HHAT: variants seen among roughly 807,000 people sequenced by gnomAD.
HHAT encodes hedgehog acyltransferase.
In HHAT, 47 loss-of-function variants were observed where a neutral mutation model predicts 70.8. That is an observed-to-expected ratio of 0.66 (90% CI 0.53 to 0.85). The LOEUF (loss-of-function observed/expected upper bound fraction) is 0.85. HHAT is among the 40% of genes least tolerant of loss of function. The pLI, the probability that HHAT is intolerant of heterozygous loss-of-function variation, is 0.00. For synonymous variants in HHAT, 228 were observed against 247.6 expected (o/e 0.92, Z 0.74); for missense variants, 609 against 604.8 (o/e 1.01, Z -0.07).
chr1:210,599,808 C>T (rs940301948), intron 10 of HHAT, among the ~76,000 whole-genome samples: 8 of 152,094 alleles, frequency 5.3e-5, no homozygotes, highest in Non-Finnish European at 1.0e-4. Flanking sequence ...TCTTTTAAAT[C>T]CTATAGTGAC....
chr1:210,407,751 G>A (rs1197053076), intron 6 of HHAT, among the ~76,000 whole-genome samples: 1 of 152,174 alleles, frequency 6.6e-6, no homozygotes, highest in African/African-American at 2.4e-5. Flanking sequence ...GTGAGACAGG[G>A]ATCCTGGGGG....
chr1:210,359,624 A>G (rs2148011541), intron 2 of HHAT, among the ~76,000 whole-genome samples: 1 of 152,180 alleles, frequency 6.6e-6, no homozygotes, highest in East Asian at 1.9e-4. Context: ...AATTATCCTT[A>G]AAAAACCCCA....
chr1:210,643,177 G>A (rs1673309955), intron 11 of HHAT, among the ~76,000 whole-genome samples: 1 of 152,102 alleles, frequency 6.6e-6, no homozygotes, highest in South Asian at 2.1e-4. Context: ...CTCTTGCTGG[G>A]CCAATACTGC....
intron 7 of HHAT, among the ~76,000 whole-genome samples, chr1:210,430,662 G>A (rs2093216586): frequency 6.6e-6 from 1 of 151,762 alleles, no homozygotes. Flanking sequence ...TGACAGTTAA[G>A]AATCATTTCA....
chr1:210,368,209 G>A (rs4844522), intron 3 of HHAT, among the ~76,000 whole-genome samples: 124,472 of 152,156 alleles, frequency 0.82, 51,576 homozygotes, highest in African/African-American at 0.96. Flanking sequence ...CAAGATCATA[G>A]ATTCTTGGCA....
intron 2 of HHAT, among the ~76,000 whole-genome samples, chr1:210,350,416 A>G (rs988038171): frequency 2.0e-5 from 3 of 152,080 alleles, no homozygotes; most frequent in African/African-American, 7.2e-5. Context: ...AATATGGACT[A>G]TTTCTCCATT....
chr1:210,535,671 G>A (rs2095364568), intron 9 of HHAT, among the ~76,000 whole-genome samples: 1 of 152,168 alleles, frequency 6.6e-6, no homozygotes, highest in Admixed American at 6.5e-5. Flanking sequence ...GTGTTTGTGT[G>A]TGTGTGCATG....
intron 1 of HHAT, among the ~76,000 whole-genome samples, chr1:210,335,318 G>GA (rs11371332): frequency 0.66 from 95,854 of 145,556 alleles, 31,661 homozygotes; most frequent in East Asian, 0.74. Flanking sequence ...CATTCATGAT[G>GA]AAAAAAAAAA....
chr1:210,577,191 T>C (rs1657998034), intron 9 of HHAT, among the ~76,000 whole-genome samples: 1 of 152,180 alleles, frequency 6.6e-6, no homozygotes, highest in South Asian at 2.1e-4. Context: ...TCTTGTCTGA[T>C]TACTCTGGCT....
At chr1:210,446,730 CAT>C (rs200848257) in intron 7 of HHAT, among the ~76,000 whole-genome samples, 3 of 152,240 alleles carry the variant, frequency 2.0e-5, no homozygotes, top group East Asian at 1.9e-4. Context: ...CTTTCGTCAT[CAT>C]ATGACTTCCT....
intron 10 of HHAT, among the ~76,000 whole-genome samples, chr1:210,609,731 C>A (rs1261712909): frequency 2.0e-5 from 3 of 152,148 alleles, no homozygotes; most frequent in Non-Finnish European, 4.4e-5. Context: ...TCTCATCATT[C>A]AGCTCCCACT....
intron 10 of HHAT, among the ~76,000 whole-genome samples, chr1:210,597,826 G>A (rs1030544839): frequency 1.3e-5 from 2 of 151,790 alleles, no homozygotes; most frequent in African/African-American, 4.8e-5. Context: ...ACTCCACTGT[G>A]GGTGAGCTGA....
At chr1:210,534,260 A>G (rs1558109141) in intron 9 of HHAT, among the ~76,000 whole-genome samples, 3 of 152,090 alleles carry the variant, frequency 2.0e-5, no homozygotes, top group African/African-American at 4.8e-5. Flanking sequence ...TTCAAACTTG[A>G]TACTGTGTCA....
intron 8 of HHAT, among the ~76,000 whole-genome samples, chr1:210,466,705 A>C (rs2094115824): frequency 6.6e-6 from 1 of 152,202 alleles, no homozygotes; most frequent in Admixed American, 6.5e-5. Context: ...GTGTCACCAG[A>C]GGCAGTTTCG....
intron 7 of HHAT, among the ~76,000 whole-genome samples, chr1:210,441,674 A>G (rs2093511780): frequency 6.6e-6 from 1 of 152,180 alleles, no homozygotes; most frequent in African/African-American, 2.4e-5. Flanking sequence ...ATGAAAGTGG[A>G]AATGATTGGT....
chr1:210,663,131 A>G (rs1015413482), intron 11 of HHAT, among the ~76,000 whole-genome samples: 2 of 152,156 alleles, frequency 1.3e-5, no homozygotes, highest in African/African-American at 4.8e-5. Flanking sequence ...CTCACAGTCT[A>G]AATTAGGCAC....
intron 9 of HHAT, among the ~76,000 whole-genome samples, chr1:210,539,014 C>CTATAGTGAGCCAA (rs1297423257): frequency 6.6e-6 from 1 of 152,172 alleles, no homozygotes; most frequent in East Asian, 1.9e-4. Context: ...GAGGCAGAGG[C>CTATAGTGAGCCAA]TATAGTGAGC....
chr1:210,386,230 C>CTTTTTTTTTTTTTTTTTTTTTTTTT lies in HHAT; in HGVS notation c.160-1236_160-1212dup, dbSNP rs869305965. Among the ~76,000 whole-genome samples, 10 of 69,922 alleles carry CTTTTTTTTTTTTTTTTTTTTTTTTT rather than the reference C, an allele frequency of 1.4e-4. 1 individual carries two copies. The highest frequency in any genetic ancestry group is 5.6e-4 in the African/African-American group (9 of 16,020). The allele number at this position is 69,922 out of a possible 152,430, so 45.9% of individuals were successfully genotyped here. Reference sequence around the variant, plus strand: ...ATTGCAGGAGTCCTTTTCTTTTTTTCTTTTTTTTTTTTTTTTTTTTTTTTT... The same window carrying CTTTTTTTTTTTTTTTTTTTTTTTTT: ...ATTGCAGGAGTCCTTTTCTTTTTTTCTTTTTTTTTTTTTTTTTTTTTTTTTTTTTTTTTTTTTTTTTTTTTTTTTT... On this transcript the variant is annotated intron_variant, in intron 3 of 11. Transcript: ENST00000261458.
chr1:210,623,548 C>G lies in HHAT; in HGVS notation c.1268C>G (p.Ala423Gly). 2.5e-6 allele frequency: 4 copies of G among 1,614,064 alleles called. No homozygotes were observed. The highest frequency in any genetic ancestry group is 3.4e-6 in the Non-Finnish European group (4 of 1,180,006). The change falls in exon 11 of 12, where the codon GCT (alanine) becomes GGT (glycine). Residue 423 changes from alanine (A) to glycine (G), a missense_variant. Coordinates refer to ENST00000261458, the MANE Select transcript of HHAT (RefSeq NM_018194.6). ...TAGGCCCGATACTTCTCCCCACAAGCTCGCCGTCGATTCCACGCTGCCCTT... is the reference window on the plus strand; with the variant it reads ...TAGGCCCGATACTTCTCCCCACAAGGTCGCCGTCGATTCCACGCTGCCCTT... Reference protein sequence around the residue: ...DSLARYFSPQARRRFHAALAS... With the variant: ...DSLARYFSPQGRRRFHAALAS...
Sources: allele counts gnomAD v4.1 joint callset (sites outside exome capture counted in the v4.1 genomes callset), GRCh38; gene constraint gnomAD v4.1.1; transcripts MANE v1.5; gene names NCBI Gene and HGNC (gene_info 2026-07-23, HGNC 2026-07-21).